The following PTPRN2 variants were observed in gnomAD, a reference collection of about 807,000 sequenced individuals.
PTPRN2 encodes the protein protein tyrosine phosphatase receptor type N2.
Under a neutral mutation model 118.8 loss-of-function variants are expected in PTPRN2, and 74 were observed. The ratio of observed to expected loss-of-function variants is 0.62; its 90% CI spans 0.52 to 0.76. The LOEUF is 0.76. Ranked by LOEUF, PTPRN2 falls within the 30% of genes least tolerant of loss-of-function variation. The pLI is 0.00. For synonymous variants in PTPRN2, 641 were observed against 608.0 expected, an observed-to-expected ratio of 1.05 and a Z score of -0.80; for missense variants, 1,481 against 1,394.4, an observed-to-expected ratio of 1.06 and a Z score of -0.99.
chr7:158,342,583 G>A (rs71547525), intron 2 of PTPRN2, among the ~76,000 whole-genome samples: 202 of 84,896 alleles, frequency 2.4e-3, no homozygotes, highest in Middle Eastern at 9.3e-3. Flanking sequence ...TGCAGACGTC[G>A]CTCACACCCA....
intron 11 of PTPRN2, among the ~76,000 whole-genome samples, chr7:158,072,026 A>ATGG (rs201860029): frequency 4.3e-5 from 3 of 70,500 alleles, no homozygotes; most frequent in Admixed American, 1.6e-4. Flanking sequence ...GGAGGTGCTC[A>ATGG]TGGTGGAGGT....
At chr7:158,532,383 G>A (rs568616424) in intron 1 of PTPRN2, among the ~76,000 whole-genome samples, 1 of 152,304 alleles carries the variant, frequency 6.6e-6, no homozygotes, top group African/African-American at 2.4e-5. Flanking sequence ...TGTGGCTTCT[G>A]AGAAGCCCCA....
intron 11 of PTPRN2, among the ~76,000 whole-genome samples, chr7:158,048,725 C>A (rs1012556611): frequency 6.6e-6 from 1 of 151,968 alleles, no homozygotes; most frequent in African/African-American, 2.4e-5. Context: ...CATCATATCA[C>A]CACCATCACC....
chr7:158,106,113 C>T (rs1171105762), intron 10 of PTPRN2, among the ~76,000 whole-genome samples: 2 of 152,094 alleles, frequency 1.3e-5, no homozygotes, highest in African/African-American at 4.8e-5. Context: ...CTCCATCCTG[C>T]TCTGTCCTCA....
At chr7:157,709,807 T>G (rs903861509) in intron 12 of PTPRN2, among the ~76,000 whole-genome samples, 4 of 151,984 alleles carry the variant, frequency 2.6e-5, no homozygotes, top group Admixed American at 2.0e-4. Context: ...CACATACAAG[T>G]CGGATATTCT....
At position 157,560,512 on chromosome 7, in the gene PTPRN2, C is replaced by T. The variant is rs1454617779; in HGVS notation, c.2902+8390G>A. The stretch of plus-strand genomic sequence containing the variant: ...CAGCGTTCGTCGTCAGCCCCTTACA[C>T]GGGACAGGGCACTGCAGACCGGCCC... On this transcript the variant is annotated intron_variant, in intron 21 of 22. Transcript: ENST00000389418. This position sits in a 1 kb window ranked among gnomAD's most constrained non-coding sequence, Gnocchi z 6.7. Among the ~76,000 whole-genome samples the T allele has an allele frequency of 2.6e-5, 4 of 152,172 alleles. No individual in the cohort carries two copies. The highest frequency in any genetic ancestry group is 6.5e-5 in the Admixed American group (1 of 15,282).
At chr7:157,727,749 A>T (rs890103415) in intron 12 of PTPRN2, among the ~76,000 whole-genome samples, 7 of 152,206 alleles carry the variant, frequency 4.6e-5, no homozygotes, top group Non-Finnish European at 8.8e-5. Flanking sequence ...AGAGAACCAG[A>T]AGTGTCACGT....
chr7:157,929,075 G>C lies in PTPRN2; in HGVS notation c.1724-30338C>G, dbSNP rs1178905388. On this transcript the variant is annotated intron_variant, in intron 11 of 22. Transcript: ENST00000389418. This position sits in a 1 kb window ranked among gnomAD's most constrained non-coding sequence, Gnocchi z 4.4. ...AGAGTGGGGTCCCGGGGTGCCAGGT[G>C]TCTTGCTGAAGGTTGTGAAATAAGG... 2.0e-5 allele frequency among the ~76,000 whole-genome samples: 3 copies of C among 152,186 alleles called. No individual in the cohort carries two copies. The highest frequency in any genetic ancestry group is 7.2e-5 in the African/African-American group (3 of 41,428).
intron 12 of PTPRN2, among the ~76,000 whole-genome samples, chr7:157,750,158 T>TTG (rs558209930): frequency 1.9e-3 from 293 of 152,240 alleles, no homozygotes; most frequent in African/African-American, 6.7e-3. Context: ...TCGTAATGTG[T>TTG]ATTTTACTGG....
At chr7:157,852,080 C>T (rs1049213771) in intron 12 of PTPRN2, among the ~76,000 whole-genome samples, 27 of 152,240 alleles carry the variant, frequency 1.8e-4, no homozygotes, top group Non-Finnish European at 3.4e-4. Context: ...GGTCTGTTTG[C>T]AGCGGTGCCC....
intron 3 of PTPRN2, among the ~76,000 whole-genome samples, chr7:158,305,079 C>T (rs111575897): frequency 2.6e-5 from 4 of 152,278 alleles, no homozygotes; most frequent in South Asian, 2.1e-4. Flanking sequence ...CCAATGTTAA[C>T]GCTGGTCAGC....
In PTPRN2 at chr7:158,509,986, G is replaced by A. The variant is rs1284167841; in HGVS notation, c.113-20201C>T. ...CGAGACACAAGTCAAGCCTTAAAAA[G>A]CCATTCTCTCGGCAGAGAAGAACAG... is the stretch of plus-strand genomic sequence containing the variant. On this transcript the variant is annotated intron_variant, in intron 1 of 22. Coordinates refer to ENST00000389418, the MANE Select transcript of PTPRN2 (RefSeq NM_002847.5). This position sits in a 1 kb window ranked among gnomAD's most constrained non-coding sequence, Gnocchi z 4.4. Among the ~76,000 whole-genome samples, 2 of 152,176 alleles carry A rather than the reference G, an allele frequency of 1.3e-5. No homozygotes were observed. Among genetic ancestry groups the A allele is most frequent in the Admixed American group, 1.3e-4 (2 of 15,276 alleles).
intron 1 of PTPRN2, among the ~76,000 whole-genome samples, chr7:158,538,380 G>A (rs1825777185): frequency 6.6e-6 from 1 of 152,212 alleles, no homozygotes; most frequent in South Asian, 2.1e-4. Context: ...TGCGCGGCGT[G>A]TCCCTCTGGG....
At chr7:157,865,737 GC>G (rs1490595629) in intron 12 of PTPRN2, 1 of 152,228 alleles carries the variant, frequency 6.6e-6, no homozygotes, top group African/African-American at 2.4e-5. Flanking sequence ...TGCGGTATTT[GC>G]CTGTGGGTCA....
intron 12 of PTPRN2, among the ~76,000 whole-genome samples, chr7:157,891,877 G>T (rs1347003363): frequency 1.3e-5 from 2 of 152,176 alleles, no homozygotes; most frequent in Admixed American, 6.5e-5. Flanking sequence ...CAGAGAGAAG[G>T]CTCCCTCAGC....
chr7:157,837,267 A>G (rs1315810830), intron 12 of PTPRN2, among the ~76,000 whole-genome samples: 4 of 143,540 alleles, frequency 2.8e-5, no homozygotes, highest in Non-Finnish European at 6.1e-5. Context: ...CCACCCATCC[A>G]CCCACCCATC....
intron 2 of PTPRN2, among the ~76,000 whole-genome samples, chr7:158,449,577 G>A (rs557108417): frequency 1.4e-4 from 21 of 152,036 alleles, no homozygotes; most frequent in Admixed American, 3.3e-4. Context: ...AGCGCGGGCC[G>A]AGACCAAACA....
At chr7:158,118,348 AG>A (rs1203325550) in intron 9 of PTPRN2, among the ~76,000 whole-genome samples, 1 of 152,202 alleles carries the variant, frequency 6.6e-6, no homozygotes, top group Non-Finnish European at 1.5e-5. Context: ...TGTAATTTTC[AG>A]ATGTTAAATC....
chr7:158,347,645 C>T lies in PTPRN2; in HGVS notation c.164-30713G>A, dbSNP rs189246813. 3.9e-4 allele frequency among the ~76,000 whole-genome samples: 60 copies of T among 152,242 alleles called. No homozygotes were observed. In the East Asian group the frequency reaches 0.012, roughly 29 times the overall value. On this transcript the variant is annotated intron_variant, in intron 2 of 22. Coordinates refer to ENST00000389418, the MANE Select transcript of PTPRN2 (RefSeq NM_002847.5). ...CTTTTCTATTTCTGTAAAAAAAATG[C>T]CATTGGAATTTTGATAGGGGTTGCA...
Sources: allele counts gnomAD v4.1 joint callset (sites outside exome capture counted in the v4.1 genomes callset), GRCh38; gene constraint gnomAD v4.1.1; non-coding constraint Gnocchi (gnomAD v3.1); transcripts MANE v1.5; gene names NCBI Gene and HGNC (gene_info 2026-07-23, HGNC 2026-07-21).